The following DBP variants were observed in gnomAD, a reference collection of about 807,000 sequenced individuals.
DBP encodes D-box binding PAR bZIP transcription factor, also known as D site-binding protein.
Under a neutral mutation model 21.4 loss-of-function variants are expected in DBP, and 12 were observed. The observed-to-expected ratio is 0.56, with a 90% CI of 0.36 to 0.91. The LOEUF is 0.91. Ranked by LOEUF, DBP falls within the 40% of genes least tolerant of loss-of-function variation. The pLI is 0.01. For synonymous variants in DBP, 213 were observed against 224.9 expected (o/e 0.95, Z 0.47); for missense variants, 423 against 473.4 (o/e 0.89, Z 0.99).
intron 1 of DBP, 76 bp downstream of exon 1, chr19:48,636,780 G>A: frequency 1.3e-6 from 2 of 1,536,610 alleles, no homozygotes; most frequent in Non-Finnish European, 1.8e-6. Context: ...GGTTTCTATG[G>A]GACCCCACCC....
chr19:48,635,980 C>T lies in DBP; in HGVS notation c.150G>A (p.Lys50=), dbSNP rs1388105946. 5 of 1,520,592 alleles carry T rather than the reference C, an allele frequency of 3.3e-6. No individual in the cohort carries two copies. Among genetic ancestry groups the T allele is most frequent in the Non-Finnish European group, 4.4e-6 (5 of 1,140,842 alleles). 94.2% of individuals were successfully genotyped at this position (1,520,592 alleles called of 1,614,324 possible). Residue 50 remains lysine, a synonymous_variant, in exon 2 of 4, where the codon AAG becomes AAA. Transcript: ENST00000222122. The part of the protein sequence containing the change: ...KPKEPASCLL[K]EKERKAALPA... Reference sequence around the variant, plus strand: ...GCAGGGCCGCCTTGCGCTCCTTTTCCTTCAGGAGACCTGCGGGCCGGGAAA... The same window carrying T: ...GCAGGGCCGCCTTGCGCTCCTTTTCTTTCAGGAGACCTGCGGGCCGGGAAA...
Position 48,630,774 on chromosome 19 carries a change from G to C in DBP, c.*63C>G, listed in dbSNP as rs750445731. 6.6e-7 allele frequency: 1 copy of C among 1,510,604 alleles called. No individual in the cohort carries two copies. The highest frequency in any genetic ancestry group is 8.9e-7 in the Non-Finnish European group (1 of 1,120,060). 93.6% of individuals were successfully genotyped at this position (1,510,604 alleles called of 1,614,324 possible). A position where few individuals can be genotyped will look rare whatever the true frequency, so the allele number is the denominator to read the frequency against. On this transcript the variant is annotated 3_prime_UTR_variant, in exon 4 of 4. Transcript: ENST00000222122. The surrounding 1 kb of genome is among the most constrained non-coding windows in gnomAD (Gnocchi z 4.9). ...GCCCGTGGGCCACAGGGCAGGAAGG[G>C]AACAGGGCGTAAGTCTCAGCAAGGC...
Position 48,630,391 on chromosome 19 carries a change from G to A in DBP, c.*446C>T. The A allele has an allele frequency of 7.3e-7, 1 of 1,375,742 alleles. No homozygotes were observed. The highest frequency in any genetic ancestry group is 1.5e-5 in the African/African-American group (1 of 67,498). The allele number at this position is 1,375,742 out of a possible 1,614,324, so 85.2% of individuals were successfully genotyped here. Reference sequence around the variant, plus strand: ...AAAGGTCTATGCAATAAAGGCAGTCGCTTCATTCCTCTCAGACCTTCTGCC... The same window carrying A: ...AAAGGTCTATGCAATAAAGGCAGTCACTTCATTCCTCTCAGACCTTCTGCC... On this transcript the variant is annotated 3_prime_UTR_variant, in exon 4 of 4. Transcript: ENST00000222122. The surrounding 1 kb of genome is among the most constrained non-coding windows in gnomAD (Gnocchi z 4.9).
chr19:48,635,541 C>G (rs2030752205), intron 2 of DBP, 39 bp downstream of exon 2: 1 of 1,450,052 alleles, frequency 6.9e-7, no homozygotes, highest in Non-Finnish European at 9.1e-7. Context: ...GAGTCCAAGC[C>G]CCGCCCCGTC....
At chr19:48,634,893 T>A in intron 2 of DBP, 1 of 985,664 alleles carries the variant, frequency 1.0e-6, no homozygotes, top group Non-Finnish European at 1.2e-6. Context: ...CCCAACCCCC[T>A]GCTCTCCGGG....
At chr19:48,636,433 A>G (rs1424219109) in intron 1 of DBP, among the ~76,000 whole-genome samples, 1 of 151,798 alleles carries the variant, frequency 6.6e-6, no homozygotes, top group Non-Finnish European at 1.5e-5. Flanking sequence ...AAGGGGCAGG[A>G]AGGGGCTCTA....
intron 2 of DBP, 59 bp downstream of exon 2, chr19:48,635,521 C>T (rs935680669): frequency 6.8e-6 from 10 of 1,470,344 alleles, no homozygotes; most frequent in African/African-American, 1.5e-5. Context: ...GTCGCACAGC[C>T]CCGCCCCCTG....
In DBP at chr19:48,630,212, T is replaced by G; in HGVS notation, c.*625A>C. On this transcript the variant is annotated 3_prime_UTR_variant, in exon 4 of 4. Transcript: ENST00000222122. This position sits in a 1 kb window ranked among gnomAD's most constrained non-coding sequence, Gnocchi z 4.9. ...CGCCCCATCCACTCCGGTGCCTCCA[T>G]TTAGCTGGCCAATCAGCCCAGGAGG... 8.0e-7 allele frequency: 1 copy of G among 1,252,540 alleles called. No homozygotes were observed. Among genetic ancestry groups the G allele is most frequent in the Non-Finnish European group, 1.0e-6 (1 of 997,402 alleles). 77.6% of individuals were successfully genotyped at this position (1,252,540 alleles called of 1,614,324 possible). A position where few individuals can be genotyped will look rare whatever the true frequency, so the allele number is the denominator to read the frequency against.
At chr19:48,636,431 G>A (rs985608026) in intron 1 of DBP, among the ~76,000 whole-genome samples, 1 of 151,950 alleles carries the variant, frequency 6.6e-6, no homozygotes, top group African/African-American at 2.4e-5. Context: ...GTAAGGGGCA[G>A]GAAGGGGCTC....
chr19:48,632,429 A>C, intron 3 of DBP: 1 of 151,928 alleles, frequency 6.6e-6, no homozygotes, highest in East Asian at 1.9e-4. Context: ...CACACCCGGA[A>C]CATTTTTGTA....
chr19:48,636,902 C>A lies in DBP; in HGVS notation c.93G>T (p.Leu31Phe), dbSNP rs766889742. The A allele has an allele frequency of 6.2e-7, 1 of 1,603,562 alleles. No individual in the cohort carries two copies. The highest frequency in any genetic ancestry group is 1.1e-5 in the South Asian group (1 of 89,502). Reference sequence around the variant, plus strand: ...TGCTGGTCCCCTGCAGAAGGCTCCGCAACCCAAGCAGCGCTCCCCCGCCAG... The same window carrying A: ...TGCTGGTCCCCTGCAGAAGGCTCCGAAACCCAAGCAGCGCTCCCCCGCCAG... Reference protein sequence around the residue: ...TPPGGGALLGLRSLLQGTSKP... With the variant: ...TPPGGGALLGFRSLLQGTSKP... The change falls in exon 1 of 4, where the codon TTG (leucine) becomes TTT (phenylalanine). Residue 31 changes from leucine to phenylalanine, a missense_variant. Physicochemically the swap from Leu to Phe is conservative, Grantham distance 22. Around this residue, in one of 4 missense-constraint regions of DBP, gnomAD observed 283 missense variants for 273.7 expected, o/e 1.03. Transcript: ENST00000222122.
At chr19:48,634,648 C>T (rs942036494) in intron 2 of DBP, 2 of 978,314 alleles carry the variant, frequency 2.0e-6, no homozygotes, top group African/African-American at 1.8e-5. Flanking sequence ...CCGCCCCCCT[C>T]GCGCTTGAAG....
At position 48,637,135 on chromosome 19, in the gene DBP, A is replaced by G. The variant is rs1174224207; in HGVS notation, c.-141T>C. The G allele has an allele frequency of 1.4e-6, 1 of 733,644 alleles. No homozygotes were observed. The highest frequency in any genetic ancestry group is 3.5e-5 in the Admixed American group (1 of 28,818). 45.4% of individuals were successfully genotyped at this position (733,644 alleles called of 1,614,324 possible). ...AGCCTGCAACCCTCCAGTATCCAGA[A>G]CGCTGCAAATCCTAGGAGCGACGGG... On this transcript the variant is annotated 5_prime_UTR_variant, in exon 1 of 4. Transcript: ENST00000222122.
rs777975433 is a variant in DBP, at chr19:48,630,795, AAGGCGGAGGAGAGCTCCGCCAGGTGGG to A, written c.*15_*41del. On this transcript the variant is annotated 3_prime_UTR_variant, in exon 4 of 4. Transcript: ENST00000222122. This position sits in a 1 kb window ranked among gnomAD's most constrained non-coding sequence, Gnocchi z 4.9. Reference sequence around the variant, plus strand: ...AAGGGAACAGGGCGTAAGTCTCAGCAAGGCGGAGGAGAGCTCCGCCAGGTGGGGATGTGGGGCAGCCTCACAGGGCCC... The same window carrying A: ...AAGGGAACAGGGCGTAAGTCTCAGCAGATGTGGGGCAGCCTCACAGGGCCC... The A allele has an allele frequency of 6.5e-5, 100 of 1,537,112 alleles. No homozygotes were observed. The highest frequency in any genetic ancestry group is 8.5e-5 in the Non-Finnish European group (96 of 1,135,628).
intron 2 of DBP, chr19:48,634,875 C>T (rs1303621145): frequency 3.0e-5 from 30 of 985,728 alleles, no homozygotes; most frequent in Non-Finnish European, 3.6e-5. Flanking sequence ...ACTCAACCTC[C>T]AAAGATTCCC....
chr19:48,631,912 C>G (rs1373821398), intron 3 of DBP: 1 of 115,978 alleles, frequency 8.6e-6, no homozygotes, highest in East Asian at 2.4e-4. Context: ...ATCTGACTTC[C>G]AGGCCAGTCC....
chr19:48,637,112 C>T lies in DBP; in HGVS notation c.-118G>A. 1 of 920,686 alleles carries T rather than the reference C, an allele frequency of 1.1e-6. No homozygotes were observed. Among genetic ancestry groups the T allele is most frequent in the Non-Finnish European group, 1.6e-6 (1 of 643,572 alleles). 57.0% of individuals were successfully genotyped at this position (920,686 alleles called of 1,614,324 possible). On this transcript the variant is annotated 5_prime_UTR_variant, in exon 1 of 4. Coordinates refer to ENST00000222122, the MANE Select transcript of DBP (RefSeq NM_001352.5). ...TCTGCCCAGGGGCGGGCGAGTGTAGCCTGCAACCCTCCAGTATCCAGAACG... is the reference window on the plus strand; with the variant it reads ...TCTGCCCAGGGGCGGGCGAGTGTAGTCTGCAACCCTCCAGTATCCAGAACG...
Position 48,630,104 on chromosome 19 carries a change from T to G in DBP, c.*733A>C. ...CAGGATGGCTGAGGGCGGAGTCTAT[T>G]TTACGCGTCGCCCAATGACAGGACC... is the stretch of plus-strand genomic sequence containing the variant. On this transcript the variant is annotated 3_prime_UTR_variant, in exon 4 of 4. Transcript: ENST00000222122. This position sits in a 1 kb window ranked among gnomAD's most constrained non-coding sequence, Gnocchi z 4.9. 1 of 1,261,056 alleles carries G rather than the reference T, an allele frequency of 7.9e-7. No individual in the cohort carries two copies. Among genetic ancestry groups the G allele is most frequent in the East Asian group, 3.1e-5 (1 of 31,920 alleles). 78.1% of individuals were successfully genotyped at this position (1,261,056 alleles called of 1,614,324 possible).
rs2147712636 is a variant in DBP, at chr19:48,635,773, C to G, written c.357G>C (p.Leu119=). 1 of 1,410,538 alleles carries G rather than the reference C, an allele frequency of 7.1e-7. No individual in the cohort carries two copies. The highest frequency in any genetic ancestry group is 9.2e-7 in the Non-Finnish European group (1 of 1,087,810). 87.4% of individuals were successfully genotyped at this position (1,410,538 alleles called of 1,614,324 possible). The part of the protein sequence containing the change: ...LPFGDVEYVD[L]DAFLLEHGLP... ...GCCCGTGCTCCAGCAGGAAGGCGTC[C>G]AGGTCTACGTACTCCACATCGCCGA... Residue 119 remains leucine, a synonymous_variant, in exon 2 of 4, where the codon CTG becomes CTC. Transcript: ENST00000222122.
Sources: allele counts gnomAD v4.1 joint callset (sites outside exome capture counted in the v4.1 genomes callset), GRCh38; gene constraint gnomAD v4.1.1; regional missense constraint gnomAD v4.1.1; non-coding constraint Gnocchi (gnomAD v3.1); transcripts MANE v1.5; gene names NCBI Gene and HGNC (gene_info 2026-07-23, HGNC 2026-07-21).